Variants in EZR observed in about 807,000 individuals in gnomAD.
EZR encodes the protein ezrin.
Under a neutral mutation model 74.8 loss-of-function variants are expected in EZR, and 40 were observed. The ratio of observed to expected loss-of-function variants is 0.53; its 90% CI spans 0.42 to 0.70. The LOEUF (loss-of-function observed/expected upper bound fraction) is 0.70. EZR is among the 30% of genes least tolerant of loss of function. The pLI is 0.00. For synonymous variants in EZR, 341 were observed against 283.3 expected (o/e 1.20, Z -2.05); for missense variants, 678 against 755.8 (o/e 0.90, Z 1.21).
chr6:158,815,658 G>A (rs549748936), intron 2 of EZR, among the ~76,000 whole-genome samples: 1 of 152,254 alleles, frequency 6.6e-6, no homozygotes, highest in East Asian at 1.9e-4. Flanking sequence ...TAGAAACAGA[G>A]TCTATGTTGG....
At chr6:158,815,836 A>G (rs566221715) in intron 2 of EZR, among the ~76,000 whole-genome samples, 4 of 152,284 alleles carry the variant, frequency 2.6e-5, no homozygotes, top group African/African-American at 9.6e-5. Context: ...TCAAAGAGTA[A>G]CTCTGGCTCT....
rs1791487227 is a variant in EZR at position 158,783,595 on chromosome 6, A to G, written c.623T>C (p.Ile208Thr). 1 of 1,613,784 alleles carries G rather than the reference A, an allele frequency of 6.2e-7. No individual in the cohort carries two copies. Among genetic ancestry groups the G allele is most frequent in the Non-Finnish European group, 8.5e-7 (1 of 1,179,898 alleles). The change falls in exon 7 of 14, where the codon ATA becomes ACA. Residue 208 changes from isoleucine (I) to threonine (T), a missense_variant. This residue lies in a region of EZR where 119 missense variants were observed against 182.3 expected (regional missense o/e 0.65). Coordinates refer to ENST00000367075, the MANE Select transcript of EZR (RefSeq NM_001111077.2). The stretch of plus-strand genomic sequence containing the variant: ...AAGGTCTGTTCCTTTCTTGTTTTTT[A>G]TCTCGAAATAGTTGATTCCATACAT... ...LEMYGINYFEIKNKKGTDLWL... is the reference protein window; with the variant it reads ...LEMYGINYFETKNKKGTDLWL...
intron 10 of EZR, 93 bp downstream of exon 10, chr6:158,770,671 T>C: frequency 6.8e-7 from 1 of 1,481,478 alleles, no homozygotes. Context: ...CGTTCTTGGT[T>C]TCCTTCCTGG....
intron 2 of EZR, among the ~76,000 whole-genome samples, chr6:158,813,330 A>G (rs1317304243): frequency 6.6e-6 from 1 of 152,164 alleles, no homozygotes; most frequent in Non-Finnish European, 1.5e-5. Context: ...ACCCCTCTTC[A>G]GGCATACTCT....
intron 6 of EZR, among the ~76,000 whole-genome samples, 158 bp from the exon 7 acceptor site, chr6:158,783,824 G>A (rs1224946322): frequency 6.6e-6 from 1 of 152,216 alleles, no homozygotes; most frequent in Admixed American, 6.5e-5. Flanking sequence ...GCCGACCGGT[G>A]AGGAGGGGAC....
At position 158,776,515 on chromosome 6, in the gene EZR, AAAG is replaced by A. The variant is rs370326196; in HGVS notation, c.699-14_699-12del. Reference sequence around the variant, plus strand: ...ATCTTTGGGGTTAACCTGAGGTTAAAAAGAAGAAGTGGATGGTTAGATGTATAC... The same window carrying A: ...ATCTTTGGGGTTAACCTGAGGTTAAAAAGAAGTGGATGGTTAGATGTATAC... On this transcript the variant is annotated splice_polypyrimidine_tract_variant and intron_variant, in intron 7 of 13. Coordinates refer to ENST00000367075, the MANE Select transcript of EZR (RefSeq NM_001111077.2). 2.5e-4 allele frequency: 393 copies of A among 1,596,774 alleles called. 1 individual carries two copies. Among genetic ancestry groups the A allele is most frequent in the South Asian group, 9.9e-4 (89 of 89,760 alleles).
At chr6:158,812,536 T>C (rs1001915804) in intron 2 of EZR, among the ~76,000 whole-genome samples, 2 of 152,154 alleles carry the variant, frequency 1.3e-5, no homozygotes, top group Admixed American at 1.3e-4. Context: ...CTCTTAACTT[T>C]AGGTATGTAC....
At chr6:158,771,876 C>G (rs1791122124) in intron 8 of EZR, among the ~76,000 whole-genome samples, 1 of 152,198 alleles carries the variant, frequency 6.6e-6, no homozygotes, top group Non-Finnish European at 1.5e-5. Flanking sequence ...CTTGCCTGGA[C>G]TGCCTCTGCT....
At chr6:158,769,220 G>A (rs966845470) in intron 12 of EZR, 106 bp downstream of exon 12, 3 of 845,846 alleles carry the variant, frequency 3.5e-6, no homozygotes, top group East Asian at 2.6e-5. Flanking sequence ...GTGGCAGCTT[G>A]AGCCAGACCT....
intron 2 of EZR, among the ~76,000 whole-genome samples, chr6:158,803,622 T>C (rs371122567): frequency 0.26 from 7,161 of 27,080 alleles, 942 homozygotes; most frequent in African/African-American, 0.42. Context: ...TATATATATA[T>C]ATACATATAC....
At chr6:158,802,883 A>C (rs1047021980) in intron 2 of EZR, among the ~76,000 whole-genome samples, 3 of 152,164 alleles carry the variant, frequency 2.0e-5, no homozygotes, top group Non-Finnish European at 4.4e-5. Context: ...CCTCGAATAC[A>C]GCATCCAGCC....
chr6:158,772,789 T>G (rs902064094), intron 8 of EZR, among the ~76,000 whole-genome samples: 3 of 152,130 alleles, frequency 2.0e-5, no homozygotes, highest in Non-Finnish European at 4.4e-5. Context: ...AGGGACAGGG[T>G]GGCTAAAACA....
chr6:158,772,480 A>G, intron 8 of EZR, among the ~76,000 whole-genome samples: 1 of 152,236 alleles, frequency 6.6e-6, no homozygotes, highest in East Asian at 1.9e-4. Flanking sequence ...GCGCAGGAAG[A>G]GCTGGCTGAC....
rs75778863 is a variant in EZR at position 158,790,402 on chromosome 6, T to C, written c.13-1031A>G. Among the ~76,000 whole-genome samples the C allele has an allele frequency of 1.7e-3, 260 of 152,320 alleles. 1 individual carries two copies. Among genetic ancestry groups the C allele is most frequent in the African/African-American group, 6.0e-3 (248 of 41,560 alleles). ...AAAAAACAAAACACTGTCGGGCGCA[T>C]TGGCTCACACACCTGTAATCCCAGC... On this transcript the variant is annotated intron_variant, in intron 2 of 13. Transcript: ENST00000367075.
rs781077747 is a variant in EZR at position 158,767,494 on chromosome 6, C to G, written c.1363G>C (p.Asp455His). The change falls in exon 13 of 14, where the codon GAC becomes CAC. Residue 455 changes from aspartate (D) to histidine (H), a missense_variant. Coordinates refer to ENST00000367075, the MANE Select transcript of EZR (RefSeq NM_001111077.2). ...WQHRAKEAQD[D>H]LVKTKEELHL... The stretch of plus-strand genomic sequence containing the variant: ...AGCTCCTCCTTGGTCTTCACCAGGT[C>G]ATCCTGGGCTTCTTTGGCCTTTGGA... The G allele has an allele frequency of 1.3e-6, 2 of 1,593,238 alleles. No homozygotes were observed. The highest frequency in any genetic ancestry group is 1.7e-6 in the Non-Finnish European group (2 of 1,168,172).
intron 7 of EZR, among the ~76,000 whole-genome samples, chr6:158,776,811 T>C (rs1791291997): frequency 6.6e-6 from 1 of 152,148 alleles, no homozygotes; most frequent in African/African-American, 2.4e-5. Flanking sequence ...CCCAGGTACC[T>C]TGACCCTCCC....
rs142599879 is a variant in EZR, at chr6:158,777,563, C to G, written c.699-1059G>C. Among the ~76,000 whole-genome samples, 130 of 152,314 alleles carry G rather than the reference C, an allele frequency of 8.5e-4. 1 individual carries two copies. Among genetic ancestry groups the G allele is most frequent in the African/African-American group, 2.9e-3 (122 of 41,550 alleles). ...ACGACAAATCCTCAAAACCACCATC[C>G]AACAATGCTGCCCTCCAAAGCAGTC... On this transcript the variant is annotated intron_variant, in intron 7 of 13. Transcript: ENST00000367075.
At chr6:158,788,924 T>C (rs1583571907) in intron 3 of EZR, among the ~76,000 whole-genome samples, 2 of 152,108 alleles carry the variant, frequency 1.3e-5, no homozygotes, top group Admixed American at 6.6e-5. Context: ...CAGCTGCGGG[T>C]AGGAAGCCGC....
chr6:158,791,619 C>A (rs937431763), intron 2 of EZR, among the ~76,000 whole-genome samples: 1 of 151,702 alleles, frequency 6.6e-6, no homozygotes, highest in Non-Finnish European at 1.5e-5. Flanking sequence ...GAAGTGGGAA[C>A]CCCAAGTACA....
Sources: gnomAD v4.1 joint callset for allele counts (sites outside exome capture counted in the v4.1 genomes callset) on GRCh38, gnomAD v4.1.1 for gene constraint, gnomAD v4.1.1 regional missense constraint, MANE v1.5 for transcripts, NCBI Gene and HGNC (gene_info 2026-07-23, HGNC 2026-07-21) for gene names.